The following RUFY1 variants were observed in gnomAD, a reference collection of about 807,000 sequenced individuals.
RUFY1 encodes the protein RUN and FYVE domain containing 1.
RUFY1 carries 54 observed loss-of-function variants against 94.6 expected under a neutral mutation model. The ratio of observed to expected loss-of-function variants is 0.57; its 90% confidence interval spans 0.46 to 0.72. RUFY1 has a LOEUF of 0.72. RUFY1 is among the 30% of genes least tolerant of loss of function. RUFY1 has a pLI of 0.00. For missense variants in RUFY1, 883 were observed against 883.9 expected, an observed-to-expected ratio of 1.00 and a Z score of 0.01; for synonymous variants, 396 against 347.3, an observed-to-expected ratio of 1.14 and a Z score of -1.56.
At chr5:179,592,622 G>T (rs549425917) in intron 10 of RUFY1, among the ~76,000 whole-genome samples, 1 of 152,156 alleles carries the variant, frequency 6.6e-6, no homozygotes, top group Non-Finnish European at 1.5e-5. Context: ...AATTCTCTCC[G>T]TCATAACCTC....
At chr5:179,581,238 C>G (rs931719759) in intron 7 of RUFY1, among the ~76,000 whole-genome samples, 1 of 152,138 alleles carries the variant, frequency 6.6e-6, no homozygotes, top group Non-Finnish European at 1.5e-5. Context: ...ACATAATACA[C>G]AGAAGTAACT....
intron 17 of RUFY1, 82 bp downstream of exon 17, chr5:179,607,741 T>C (rs1238146290): frequency 8.1e-7 from 1 of 1,240,352 alleles, no homozygotes; most frequent in Admixed American, 1.8e-5. Context: ...CAGAAGCCCA[T>C]ATCAGAGCAG....
intron 15 of RUFY1, chr5:179,602,669 A>G (rs1766568724): frequency 6.6e-6 from 1 of 152,280 alleles, no homozygotes; most frequent in African/African-American, 2.4e-5. Context: ...GGTTGCAAGT[A>G]ACAGAAATCC....
chr5:179,572,057 C>A (rs7443003), intron 5 of RUFY1: 156,322 of 157,326 alleles, frequency 0.99, 77,675 homozygotes, highest in East Asian at 1. Flanking sequence ...CCTATCTAAA[C>A]ATTACCCTAA....
intron 12 of RUFY1, chr5:179,596,241 T>G: frequency 2.6e-6 from 1 of 386,338 alleles, no homozygotes; most frequent in Non-Finnish European, 4.8e-6. Context: ...AAACTTGGAT[T>G]GATCTCCAAG....
At chr5:179,577,598 G>T (rs966889446) in intron 6 of RUFY1, among the ~76,000 whole-genome samples, 1 of 139,906 alleles carries the variant, frequency 7.1e-6, no homozygotes, top group African/African-American at 2.8e-5. Flanking sequence ...GGGGAGGGCG[G>T]GGGTGGGGAG....
At chr5:179,577,960 C>A (rs1394443811) in intron 6 of RUFY1, among the ~76,000 whole-genome samples, 1 of 151,590 alleles carries the variant, frequency 6.6e-6, no homozygotes, top group African/African-American at 2.4e-5. Context: ...AGAAGCAGTG[C>A]ATTATTCTCA....
At position 179,607,261 on chromosome 5, in the gene RUFY1, T is replaced by A. The variant is rs902396005; in HGVS notation, c.1906-321T>A. ...AGGGTTGCAGGCACCAGAAGCTCGC[T>A]CTGCTTACTTCAGCCAAAGGGAACT... On this transcript the variant is annotated intron_variant, in intron 16 of 17. Coordinates refer to ENST00000319449, the MANE Select transcript of RUFY1 (RefSeq NM_025158.5). The A allele has an allele frequency of 1.1e-4, 42 of 372,310 alleles. No homozygotes were observed. In the Middle Eastern group the frequency reaches 2.4e-3, roughly 21 times the overall value. The allele number at this position is 372,310 out of a possible 1,614,324, so 23.1% of individuals were successfully genotyped here.
At chr5:179,561,700 T>TTTG (rs1762471958) in intron 2 of RUFY1, among the ~76,000 whole-genome samples, 1 of 95,614 alleles carries the variant, frequency 1.0e-5, no homozygotes, top group African/African-American at 4.3e-5. Flanking sequence ...TTTTTTTTTT[T>TTTG]TTTGAAGAGT....
intron 15 of RUFY1, among the ~76,000 whole-genome samples, chr5:179,605,376 T>C (rs1445045172): frequency 2.6e-5 from 4 of 152,136 alleles, no homozygotes; most frequent in African/African-American, 7.2e-5. Flanking sequence ...TGTTCAGTCC[T>C]GTCTCTTGTG....
chr5:179,580,206 C>CGTGTGTGTGTGGTGT (rs1764005607), intron 6 of RUFY1, among the ~76,000 whole-genome samples: 3 of 127,596 alleles, frequency 2.4e-5, no homozygotes, highest in Admixed American at 8.5e-5. Context: ...CAAAAAATTC[C>CGTGTGTGTGTGGTGT]GTGTGTGTGT....
intron 8 of RUFY1, among the ~76,000 whole-genome samples, chr5:179,587,543 C>T (rs1764715315): frequency 1.4e-5 from 2 of 142,280 alleles, no homozygotes; most frequent in Non-Finnish European, 3.0e-5. Context: ...AGGCGCCCGC[C>T]ACCACGCCCG....
intron 8 of RUFY1, among the ~76,000 whole-genome samples, chr5:179,587,671 A>T (rs1764727335): frequency 6.8e-6 from 1 of 147,946 alleles, no homozygotes; most frequent in African/African-American, 2.5e-5. Flanking sequence ...AAGTGCTGGG[A>T]TTACAGGCAT....
intron 6 of RUFY1, among the ~76,000 whole-genome samples, chr5:179,577,563 C>T (rs1383527729): frequency 1.5e-5 from 2 of 129,180 alleles, no homozygotes; most frequent in Non-Finnish European, 3.2e-5. Flanking sequence ...GCGGAGGCTC[C>T]GAGGCCGGGC....
rs985928018 is a variant in RUFY1 at position 179,560,047 on chromosome 5, G to A, written c.333G>A (p.Glu111=). 8 of 1,613,714 alleles carry A rather than the reference G, an allele frequency of 5.0e-6. No homozygotes were observed. Among genetic ancestry groups the A allele is most frequent in the Non-Finnish European group, 8.5e-7 (1 of 1,179,916 alleles). The change falls in exon 2 of 18, where the codon GAG becomes GAA. Residue 111 remains glutamate (E), a synonymous_variant. Transcript: ENST00000319449. ...CAGCTTCTAAGTGCCAGATGATGGA[G>A]GAGCGTGCCAACCTGATGCACATGA... ...ARAASKCQMM[E]ERANLMHMMK...
chr5:179,607,690 G>A (rs779533973), intron 17 of RUFY1, 31 bp downstream of exon 17: 5 of 1,583,744 alleles, frequency 3.2e-6, no homozygotes, highest in Non-Finnish European at 4.3e-6. Flanking sequence ...CCCTCCCAGT[G>A]CCCTGAGTCG....
intron 16 of RUFY1, chr5:179,606,815 C>G (rs1320511111): frequency 6.6e-6 from 1 of 152,406 alleles, no homozygotes; most frequent in African/African-American, 2.4e-5. Context: ...GTATATGGCT[C>G]TAGCTCAGTC....
intron 3 of RUFY1, among the ~76,000 whole-genome samples, chr5:179,565,625 A>C (rs1404519230): frequency 6.6e-6 from 1 of 152,180 alleles, no homozygotes; most frequent in Non-Finnish European, 1.5e-5. Context: ...ATATTCATTT[A>C]CAATATCATT....
At chr5:179,561,700 T>TTTTTTTTTTTTTTG (rs764059834) in intron 2 of RUFY1, among the ~76,000 whole-genome samples, 6 of 95,606 alleles carry the variant, frequency 6.3e-5, no homozygotes, top group Non-Finnish European at 1.0e-4. Context: ...TTTTTTTTTT[T>TTTTTTTTTTTTTTG]TTTGAAGAGT....
Sources: allele counts gnomAD v4.1 joint callset (sites outside exome capture counted in the v4.1 genomes callset), GRCh38; gene constraint gnomAD v4.1.1; transcripts MANE v1.5; gene names NCBI Gene and HGNC (gene_info 2026-07-23, HGNC 2026-07-21).